CFAP61: variants seen among roughly 807,000 people sequenced by gnomAD.
CFAP61 encodes cilia- and flagella-associated protein 61.
A neutral mutation model predicts 135.6 loss-of-function variants in CFAP61; 107 were observed. The ratio of observed to expected loss-of-function variants is 0.79; its 90% CI spans 0.67 to 0.93. The LOEUF (loss-of-function observed/expected upper bound fraction) is 0.93. Ranked by LOEUF, CFAP61 falls within the 40% of genes least tolerant of loss-of-function variation. CFAP61 has a pLI of 0.00. For synonymous variants in CFAP61, 575 were observed against 578.5 expected, an observed-to-expected ratio of 0.99 and a Z score of 0.09; for missense variants, 1,507 against 1,556.2, an observed-to-expected ratio of 0.97 and a Z score of 0.53.
intron 13 of CFAP61, among the ~76,000 whole-genome samples, chr20:20,180,164 A>C (rs1232868687): frequency 6.6e-6 from 1 of 152,242 alleles, no homozygotes; most frequent in East Asian, 1.9e-4. Flanking sequence ...AACTTAAACA[A>C]ATTTACAAGG....
intron 15 of CFAP61, 148 bp downstream of exon 15, chr20:20,191,567 C>G: frequency 1.8e-6 from 1 of 556,186 alleles, no homozygotes; most frequent in African/African-American, 1.9e-5. Context: ...CTGCCTCTAT[C>G]CCACTTGAAG....
intron 8 of CFAP61, among the ~76,000 whole-genome samples, chr20:20,139,818 A>G (rs2051227244): frequency 6.6e-6 from 1 of 152,252 alleles, no homozygotes; most frequent in African/African-American, 2.4e-5. Flanking sequence ...CAGGATTATT[A>G]GTTTACTGAA....
intron 26 of CFAP61, among the ~76,000 whole-genome samples, chr20:20,356,312 C>G (rs1602177689): frequency 9.1e-6 from 1 of 109,302 alleles, no homozygotes; most frequent in African/African-American, 3.5e-5. Context: ...GGTGGTCACA[C>G]TGAGGGGAAG....
At chr20:20,258,488 C>A (rs1255906528) in intron 20 of CFAP61, 1 of 152,152 alleles carries the variant, frequency 6.6e-6, no homozygotes, top group Non-Finnish European at 1.5e-5. Context: ...CTCCGTCACT[C>A]CAGATGCGCA....
chr20:20,156,195 A>G (rs774836469), intron 9 of CFAP61, among the ~76,000 whole-genome samples: 31 of 152,320 alleles, frequency 2.0e-4, no homozygotes, highest in South Asian at 4.1e-4. Flanking sequence ...AACTGAGTCA[A>G]TATACAAAAA....
intron 22 of CFAP61, among the ~76,000 whole-genome samples, chr20:20,286,004 GA>G (rs2054563570): frequency 8.8e-6 from 1 of 113,352 alleles, no homozygotes; most frequent in African/African-American, 3.3e-5. Context: ...AAAGGTAATT[GA>G]AAAAGCAAAC....
intron 2 of CFAP61, among the ~76,000 whole-genome samples, chr20:20,066,607 C>A (rs1340423587): frequency 6.6e-6 from 1 of 151,714 alleles, no homozygotes; most frequent in African/African-American, 2.4e-5. Flanking sequence ...TGTTCTCACT[C>A]ATAAGTGGGA....
chr20:20,223,354 A>G (rs1234127995), intron 17 of CFAP61, among the ~76,000 whole-genome samples: 1 of 152,232 alleles, frequency 6.6e-6, no homozygotes, highest in Non-Finnish European at 1.5e-5. Flanking sequence ...CAAAATTAAG[A>G]AAACAAGCCT....
intron 3 of CFAP61, chr20:20,073,925 G>A (rs1464700929): frequency 3.2e-5 from 6 of 187,020 alleles, no homozygotes; most frequent in East Asian, 2.7e-4. Context: ...CAAGAGCGCC[G>A]GGAAAAGGGT....
chr20:20,321,541 A>G (rs2057514432), intron 25 of CFAP61, among the ~76,000 whole-genome samples: 1 of 152,220 alleles, frequency 6.6e-6, no homozygotes, highest in Non-Finnish European at 1.5e-5. Flanking sequence ...TAACAGGACA[A>G]AGGGCAGAGA....
chr20:20,114,434 TTAAG>T (rs1222866153), intron 8 of CFAP61, among the ~76,000 whole-genome samples: 1 of 152,186 alleles, frequency 6.6e-6, no homozygotes, highest in East Asian at 1.9e-4. Flanking sequence ...TGAAGGATAA[TTAAG>T]TGTCTTAGTT....
intron 17 of CFAP61, among the ~76,000 whole-genome samples, chr20:20,203,119 CACA>C (rs1321142623): frequency 1.3e-5 from 2 of 152,124 alleles, no homozygotes; most frequent in Non-Finnish European, 2.9e-5. Context: ...GTGTCCCGGC[CACA>C]ACACCTTCCC....
chr20:20,071,111 C>A, intron 3 of CFAP61, 107 bp downstream of exon 3: 1 of 1,118,766 alleles, frequency 8.9e-7, no homozygotes, highest in Non-Finnish European at 1.3e-6. Context: ...TATATGACAT[C>A]ATGACAGTTA....
chr20:20,175,862 C>G (rs2054591144), intron 13 of CFAP61, among the ~76,000 whole-genome samples: 1 of 151,982 alleles, frequency 6.6e-6, no homozygotes, highest in Non-Finnish European at 1.5e-5. Context: ...GGTACGTCAT[C>G]TGGTAGAAAA....
intron 2 of CFAP61, among the ~76,000 whole-genome samples, chr20:20,067,444 C>A (rs1025057567): frequency 4.0e-5 from 6 of 151,506 alleles, no homozygotes; most frequent in Admixed American, 3.3e-4. Flanking sequence ...GAGATCGAGA[C>A]CATCCTGGCC....
chr20:20,216,256 C>T (rs2424291), intron 17 of CFAP61, among the ~76,000 whole-genome samples: 15,548 of 152,186 alleles, frequency 0.1, 852 homozygotes, highest in Middle Eastern at 0.16. Context: ...GACTGTTTAC[C>T]GCTGACGTGC....
chr20:20,348,065 C>T (rs563436324), intron 26 of CFAP61, among the ~76,000 whole-genome samples: 29 of 152,168 alleles, frequency 1.9e-4, no homozygotes, highest in African/African-American at 5.8e-4. Flanking sequence ...AGCCCAAGAC[C>T]GGATGGCTTC....
intron 15 of CFAP61, among the ~76,000 whole-genome samples, chr20:20,193,884 G>T (rs1298966799): frequency 2.0e-5 from 3 of 152,146 alleles, no homozygotes; most frequent in Admixed American, 1.3e-4. Flanking sequence ...AAAGTGCTGG[G>T]ATTACAGGCA....
At chr20:20,221,504 TA>T (rs1429271651) in intron 17 of CFAP61, among the ~76,000 whole-genome samples, 1 of 152,236 alleles carries the variant, frequency 6.6e-6, no homozygotes, top group East Asian at 1.9e-4. Context: ...TGCAGCCAAT[TA>T]AATTGTAACA....
Sources: allele counts gnomAD v4.1 joint callset (sites outside exome capture counted in the v4.1 genomes callset), GRCh38; gene constraint gnomAD v4.1.1; transcripts MANE v1.5; gene names NCBI Gene and HGNC (gene_info 2026-07-23, HGNC 2026-07-21).